Variants in CHMP4C observed in about 807,000 individuals in gnomAD.
The protein encoded by CHMP4C is charged multivesicular body protein 4C, also known as SNF7 homolog associated with Alix 3.
Under a neutral mutation model 29.0 loss-of-function variants are expected in CHMP4C, and 28 were observed. That is an observed-to-expected ratio of 0.97 (90% CI 0.72 to 1.32). The LOEUF is 1.32. Ranked by LOEUF, CHMP4C falls within the 40% of genes most tolerant of loss-of-function variation. The probability of loss-of-function intolerance (pLI) is 0.00; values close to 1 mark genes in which losing one functional copy is unlikely to be tolerated. For missense variants in CHMP4C, 291 were observed against 281.0 expected (o/e 1.04, Z -0.25); for synonymous variants, 106 against 102.4 (o/e 1.04, Z -0.21).
At chr8:81,742,344 A>G (rs1808771862) in intron 1 of CHMP4C, among the ~76,000 whole-genome samples, 1 of 152,230 alleles carries the variant, frequency 6.6e-6, no homozygotes, top group Non-Finnish European at 1.5e-5. Flanking sequence ...AGGCAAGGAA[A>G]ATAGGTCATT....
chr8:81,745,572 T>C (rs2130484345), intron 1 of CHMP4C, among the ~76,000 whole-genome samples: 1 of 152,344 alleles, frequency 6.6e-6, no homozygotes, highest in East Asian at 1.9e-4. Context: ...AAAGCCTTCG[T>C]CCCTTGGCAG....
At position 81,758,612 on chromosome 8, in the gene CHMP4C, G is replaced by A; in HGVS notation, c.*68G>A. ...AAAATATAAAAAATGTTTTTACCAA[G>A]TTCAGAAGTTAACAAAGACTCTGCT... On this transcript the variant is annotated 3_prime_UTR_variant, in exon 5 of 5. Coordinates refer to ENST00000297265, the MANE Select transcript of CHMP4C (RefSeq NM_152284.4). The A allele has an allele frequency of 9.6e-7, 1 of 1,039,386 alleles. No homozygotes were observed. Among genetic ancestry groups the A allele is most frequent in the South Asian group, 1.4e-5 (1 of 73,696 alleles). The allele number at this position is 1,039,386 out of a possible 1,614,324, so 64.4% of individuals were successfully genotyped here. A position where few individuals can be genotyped will look rare whatever the true frequency, so the allele number is the denominator to read the frequency against.
chr8:81,751,850 A>G (rs1808908360), intron 1 of CHMP4C, among the ~76,000 whole-genome samples: 1 of 152,084 alleles, frequency 6.6e-6, no homozygotes, highest in Admixed American at 6.6e-5. Flanking sequence ...TTTAATATGT[A>G]TATAAAAATA....
intron 1 of CHMP4C, among the ~76,000 whole-genome samples, chr8:81,736,482 T>C (rs1808692709): frequency 6.6e-6 from 1 of 152,118 alleles, no homozygotes; most frequent in Non-Finnish European, 1.5e-5. Flanking sequence ...ATTCTAAATA[T>C]GTGGATTGCT....
At chr8:81,737,594 A>T (rs1808708669) in intron 1 of CHMP4C, among the ~76,000 whole-genome samples, 1 of 152,234 alleles carries the variant, frequency 6.6e-6, no homozygotes, top group South Asian at 2.1e-4. Flanking sequence ...GTTGTAGTTA[A>T]GAGCCTGGGC....
At chr8:81,739,810 A>G (rs1048591148) in intron 1 of CHMP4C, among the ~76,000 whole-genome samples, 4 of 152,180 alleles carry the variant, frequency 2.6e-5, no homozygotes, top group Non-Finnish European at 4.4e-5. Context: ...TGTTCTGTTA[A>G]TACTGTCTCA....
At chr8:81,739,123 A>T (rs1585941239) in intron 1 of CHMP4C, among the ~76,000 whole-genome samples, 1 of 101,898 alleles carries the variant, frequency 9.8e-6, no homozygotes, top group Non-Finnish European at 1.8e-5. Flanking sequence ...TTTGAGATGG[A>T]GTCTTGCTCT....
At chr8:81,751,996 A>G (rs1808909922) in intron 1 of CHMP4C, among the ~76,000 whole-genome samples, 1 of 152,192 alleles carries the variant, frequency 6.6e-6, no homozygotes, top group African/African-American at 2.4e-5. Context: ...AGAGAGTAAT[A>G]CTTGATTACA....
intron 1 of CHMP4C, among the ~76,000 whole-genome samples, chr8:81,733,672 C>T (rs1163909099): frequency 6.6e-6 from 1 of 152,202 alleles, no homozygotes; most frequent in Non-Finnish European, 1.5e-5. Context: ...CTGATTTCTT[C>T]AGTATACTGC....
chr8:81,747,274 A>T (rs935818842), intron 1 of CHMP4C, among the ~76,000 whole-genome samples: 1 of 152,128 alleles, frequency 6.6e-6, no homozygotes, highest in Non-Finnish European at 1.5e-5. Context: ...GATTTTCAGA[A>T]AGTTATCTAA....
At chr8:81,754,902 G>A (rs189604414) in intron 2 of CHMP4C, among the ~76,000 whole-genome samples, 26 of 152,236 alleles carry the variant, frequency 1.7e-4, no homozygotes, top group Admixed American at 5.9e-4. Context: ...GAGCTGCTAA[G>A]TGTTACAAAA....
chr8:81,738,169 T>C (rs554374117), intron 1 of CHMP4C, among the ~76,000 whole-genome samples: 2 of 152,340 alleles, frequency 1.3e-5, no homozygotes, highest in African/African-American at 4.8e-5. Context: ...ATCCCAGGCT[T>C]AGCAGTAACT....
chr8:81,745,657 A>G (rs750286447), intron 1 of CHMP4C, among the ~76,000 whole-genome samples: 2 of 152,130 alleles, frequency 1.3e-5, no homozygotes, highest in Admixed American at 6.5e-5. Flanking sequence ...CCAATCCCCA[A>G]TGGGCTGCAG....
rs1403804177 is a variant in CHMP4C at position 81,758,957 on chromosome 8, T to G, written c.*413T>G. ...TGGAGGTTGCAGTGAGCCAAGATCA[T>G]GCCACTGCACTCCAGACTGGGCAAC... On this transcript the variant is annotated 3_prime_UTR_variant, in exon 5 of 5. Coordinates refer to ENST00000297265, the MANE Select transcript of CHMP4C (RefSeq NM_152284.4). The G allele has an allele frequency of 6.6e-6, 1 of 151,570 alleles. No homozygotes were observed. The highest frequency in any genetic ancestry group is 6.9e-5 in the Admixed American group (1 of 14,438). The allele number at this position is 151,570 out of a possible 1,614,324, so 9.4% of individuals were successfully genotyped here.
chr8:81,750,578 C>T (rs772651812), intron 1 of CHMP4C, among the ~76,000 whole-genome samples: 6 of 151,828 alleles, frequency 4.0e-5, no homozygotes, highest in East Asian at 1.9e-4. Flanking sequence ...GCATCCAGCC[C>T]GAGTGACAGA....
At chr8:81,747,794 G>A (rs1182330274) in intron 1 of CHMP4C, among the ~76,000 whole-genome samples, 2 of 152,278 alleles carry the variant, frequency 1.3e-5, no homozygotes, top group South Asian at 2.1e-4. Flanking sequence ...CACAAGGCCA[G>A]TGGAGGCAGG....
intron 1 of CHMP4C, among the ~76,000 whole-genome samples, chr8:81,748,544 G>A (rs1215406819): frequency 6.6e-6 from 1 of 152,126 alleles, no homozygotes; most frequent in Non-Finnish European, 1.5e-5. Flanking sequence ...TTCTGTCATG[G>A]CTTCAGCCAG....
At chr8:81,745,920 A>G (rs752184255) in intron 1 of CHMP4C, among the ~76,000 whole-genome samples, 3 of 152,196 alleles carry the variant, frequency 2.0e-5, no homozygotes, top group Non-Finnish European at 2.9e-5. Context: ...CGGCTCTGAA[A>G]ATGTCCTTTT....
At chr8:81,751,709 G>A (rs1255438007) in intron 1 of CHMP4C, among the ~76,000 whole-genome samples, 4 of 151,988 alleles carry the variant, frequency 2.6e-5, no homozygotes, top group Non-Finnish European at 4.4e-5. Context: ...TAAAGAAACA[G>A]TACTGATAGC....
Sources: gnomAD v4.1 joint callset for allele counts (sites outside exome capture counted in the v4.1 genomes callset) on GRCh38, gnomAD v4.1.1 for gene constraint, MANE v1.5 for transcripts, NCBI Gene and HGNC (gene_info 2026-07-23, HGNC 2026-07-21) for gene names.